COL4A5: variants seen among roughly 807,000 people sequenced by gnomAD.
The protein encoded by COL4A5 is collagen type IV alpha 5 chain, also known as collagen alpha-5(IV) chain.
In COL4A5, 26 loss-of-function variants were observed where a neutral mutation model predicts 130.2. The ratio of observed to expected loss-of-function variants is 0.20; its 90% CI spans 0.15 to 0.28. COL4A5 has a LOEUF of 0.28. Among genes scored for constraint, COL4A5 ranks in the 10% least tolerant of loss-of-function variants. COL4A5 has a pLI of 1.00. For missense variants in COL4A5, 1,131 were observed against 1,344.3 expected (o/e 0.84, Z 2.48); for synonymous variants, 496 against 439.6 (o/e 1.13, Z -1.60).
Position 108,655,002 on chromosome X carries a change from T to G in COL4A5, c.3247-329T>G, listed in dbSNP as rs145522889. Among the ~76,000 whole-genome samples, 462 of 111,837 alleles carry G rather than the reference T, an allele frequency of 4.1e-3. 2 individuals carry two copies. The highest frequency in any genetic ancestry group is 6.0e-3 in the Non-Finnish European group (317 of 53,163). The stretch of plus-strand genomic sequence containing the variant: ...TTCTAATAGGGTTGTTAAGGATTAA[T>G]GAGAATAATACATCTACATACTGTG... On this transcript the variant is annotated intron_variant, in intron 36 of 52. Coordinates refer to ENST00000328300, the MANE Select transcript of COL4A5 (RefSeq NM_033380.3).
At chrX:108,531,847 T>G (rs749813488) in intron 1 of COL4A5, among the ~76,000 whole-genome samples, 6 of 111,759 alleles carry the variant, frequency 5.4e-5, no homozygotes, top group Non-Finnish European at 1.1e-4. Flanking sequence ...AAGAAATGGA[T>G]AAATTCCTGG....
At chrX:108,623,411 A>C (rs192838630) in intron 33 of COL4A5, among the ~76,000 whole-genome samples, 18 of 106,876 alleles carry the variant, frequency 1.7e-4, no homozygotes, top group African/African-American at 5.4e-4. Context: ...AAACAAATAC[A>C]GCGTAAAATA....
Position 108,520,704 on chromosome X carries a change from T to G in COL4A5, c.82-19042T>G, listed in dbSNP as rs1252383491. Among the ~76,000 whole-genome samples the G allele has an allele frequency of 1.1e-4, 12 of 111,781 alleles. No individual in the cohort carries two copies. In the Admixed American group the frequency reaches 1.1e-3, roughly 11 times the overall value. ...TATTTGTGTATGACTTTTAAAATTT[T>G]TAATTCCAACCTTTCTGTGTAACTG... On this transcript the variant is annotated intron_variant, in intron 1 of 52. Transcript: ENST00000328300.
chrX:108,564,624 C>A (rs987267977), intron 4 of COL4A5, among the ~76,000 whole-genome samples: 1 of 111,885 alleles, frequency 8.9e-6, no homozygotes, highest in Non-Finnish European at 1.9e-5. Flanking sequence ...TCACATTTAG[C>A]TTTCTGACCC....
At chrX:108,677,401 T>C in intron 43 of COL4A5, 99 bp from the exon 44 acceptor site, 1 of 852,481 alleles carries the variant, frequency 1.2e-6, no homozygotes, top group Admixed American at 2.9e-5. Flanking sequence ...GGTTTTATTC[T>C]GCAAACTAAT....
At chrX:108,548,039 C>T (rs1046975242) in intron 2 of COL4A5, among the ~76,000 whole-genome samples, 43 of 112,105 alleles carry the variant, frequency 3.8e-4, no homozygotes, top group African/African-American at 1.3e-3. Context: ...AGGGAATTCC[C>T]TGACCCCTTG....
At chrX:108,628,627 G>A (rs1192335292) in intron 36 of COL4A5, among the ~76,000 whole-genome samples, 1 of 111,731 alleles carries the variant, frequency 9.0e-6, no homozygotes, top group Non-Finnish European at 1.9e-5. Flanking sequence ...ATTTGTAAAA[G>A]TACATTATAA....
chrX:108,439,999 A>G lies in COL4A5; in HGVS notation c.-127A>G. On this transcript the variant is annotated 5_prime_UTR_variant, in exon 1 of 53. Coordinates refer to ENST00000328300, the MANE Select transcript of COL4A5 (RefSeq NM_033380.3). Reference sequence around the variant, plus strand: ...ACTCTTAAAAAGCTTCTTTCTCTTCACCCAAGCCTCACTGTCCCTCTCCGG... The same window carrying G: ...ACTCTTAAAAAGCTTCTTTCTCTTCGCCCAAGCCTCACTGTCCCTCTCCGG... 1.9e-6 allele frequency: 1 copy of G among 515,314 alleles called. No homozygotes were observed. The highest frequency in any genetic ancestry group is 3.4e-6 in the Non-Finnish European group (1 of 296,115). The allele number at this position is 515,314 out of a possible 1,213,427, so 42.5% of individuals were successfully genotyped here. A position where few individuals can be genotyped will look rare whatever the true frequency, so the allele number is the denominator to read the frequency against.
chrX:108,444,851 C>G (rs1371578091), intron 1 of COL4A5, among the ~76,000 whole-genome samples: 1 of 111,888 alleles, frequency 8.9e-6, no homozygotes, highest in African/African-American at 3.2e-5. Context: ...TGGTATTTCT[C>G]TTCACACGTT....
At chrX:108,547,287 G>A (rs1051382519) in intron 2 of COL4A5, among the ~76,000 whole-genome samples, 8 of 111,663 alleles carry the variant, frequency 7.2e-5, no homozygotes, top group African/African-American at 1.3e-4. Flanking sequence ...ATGGGGTTTC[G>A]GTGTGGATGT....
intron 48 of COL4A5, among the ~76,000 whole-genome samples, chrX:108,686,554 A>C (rs952219865): frequency 8.9e-6 from 1 of 112,065 alleles, no homozygotes; most frequent in Non-Finnish European, 1.9e-5. Flanking sequence ...TTTAAGAGTC[A>C]TGGTGAAGTT....
chrX:108,591,316 AT>A, intron 20 of COL4A5, 85 bp downstream of exon 20: 1 of 951,763 alleles, frequency 1.1e-6, no homozygotes, highest in Non-Finnish European at 1.5e-6. Context: ...GGTTGGCCTC[AT>A]TTGTTGCGTT....
chrX:108,547,582 T>C lies in COL4A5; in HGVS notation c.141+7777T>C, dbSNP rs368638708. 6.2e-4 allele frequency among the ~76,000 whole-genome samples: 69 copies of C among 112,145 alleles called. 1 individual carries two copies. Among genetic ancestry groups the C allele is most frequent in the African/African-American group, 2.1e-3 (66 of 30,870 alleles). On this transcript the variant is annotated intron_variant, in intron 2 of 52. Coordinates refer to ENST00000328300, the MANE Select transcript of COL4A5 (RefSeq NM_033380.3). ...GGGACCCACTTGAGGAGGCAGTCTGTCCGTTCTCAGATCTCAAGCTCCATG... is the reference window on the plus strand; with the variant it reads ...GGGACCCACTTGAGGAGGCAGTCTGCCCGTTCTCAGATCTCAAGCTCCATG...
At chrX:108,641,359 A>G (rs2067462207) in intron 36 of COL4A5, among the ~76,000 whole-genome samples, 1 of 111,789 alleles carries the variant, frequency 8.9e-6, no homozygotes, top group African/African-American at 3.3e-5. Flanking sequence ...AAAATTGAGG[A>G]GAGTGAGGAT....
rs1424058902 is a variant in COL4A5 at position 108,586,635 on chromosome X, T to C, written c.1053T>C (p.Thr351=). 8.3e-7 allele frequency: 1 copy of C among 1,204,068 alleles called. No individual in the cohort carries two copies. Among genetic ancestry groups the C allele is most frequent in the Non-Finnish European group, 1.1e-6 (1 of 890,765 alleles). ...PPGLVIPRPG[T]GITIGEKGNI... ...TAAAGGTAATTCCTAGACCTGGGAC[T>C]GGTATAACTATAGGAGAAAAAGGAA... The change falls in exon 19 of 53, where the codon ACT becomes ACC. Residue 351 remains threonine, a synonymous_variant. Coordinates refer to ENST00000328300, the MANE Select transcript of COL4A5 (RefSeq NM_033380.3).
At chrX:108,462,158 T>A (rs909507834) in intron 1 of COL4A5, among the ~76,000 whole-genome samples, 1 of 111,113 alleles carries the variant, frequency 9.0e-6, no homozygotes. Flanking sequence ...AAATGTTTAT[T>A]CAAAATTGAA....
At chrX:108,482,180 T>C (rs1224866416) in intron 1 of COL4A5, among the ~76,000 whole-genome samples, 1 of 111,813 alleles carries the variant, frequency 8.9e-6, no homozygotes, top group Non-Finnish European at 1.9e-5. Flanking sequence ...TCCATTCTCA[T>C]GCCTGTTCTC....
At chrX:108,570,785 G>A (rs192159002) in intron 6 of COL4A5, among the ~76,000 whole-genome samples, 16 of 111,366 alleles carry the variant, frequency 1.4e-4, no homozygotes, top group African/African-American at 5.2e-4. Flanking sequence ...TAGGATTACC[G>A]TGGCATACAG....
chrX:108,473,631 A>ATTTTTTTTTTTT (rs1406126217), intron 1 of COL4A5, among the ~76,000 whole-genome samples: 47 of 26,460 alleles, frequency 1.8e-3, no homozygotes, highest in African/African-American at 6.3e-3. Flanking sequence ...ATATATATAT[A>ATTTTTTTTTTTT]TATTTTTTTT....
Sources: gnomAD v4.1 joint callset for allele counts (sites outside exome capture counted in the v4.1 genomes callset) on GRCh38, gnomAD v4.1.1 for gene constraint, MANE v1.5 for transcripts, NCBI Gene and HGNC (gene_info 2026-07-23, HGNC 2026-07-21) for gene names.